Variants in CBLB observed in about 807,000 individuals in gnomAD.
The protein encoded by CBLB is E3 ubiquitin-protein ligase CBL-B.
In CBLB, 31 loss-of-function variants were observed where a neutral mutation model predicts 104.9. The ratio of observed to expected loss-of-function variants is 0.30; its 90% CI spans 0.22 to 0.40. The LOEUF is 0.40. Ranked by LOEUF, CBLB falls within the 10% of genes least tolerant of loss-of-function variation. The probability of loss-of-function intolerance (pLI) is 1.00; values close to 1 mark genes in which losing one functional copy is unlikely to be tolerated. For synonymous variants in CBLB, 440 were observed against 422.6 expected (o/e 1.04, Z -0.51); for missense variants, 1,062 against 1,214.6 (o/e 0.87, Z 1.87).
chr3:105,793,708 C>A (rs1475171911), intron 3 of CBLB, among the ~76,000 whole-genome samples: 6 of 152,252 alleles, frequency 3.9e-5, no homozygotes, highest in Admixed American at 1.3e-4. Context: ...TCCAGTTCCA[C>A]GTCACAAATG....
chr3:105,840,187 G>C (rs997126378), intron 3 of CBLB, among the ~76,000 whole-genome samples: 4 of 152,096 alleles, frequency 2.6e-5, no homozygotes, highest in Non-Finnish European at 4.4e-5. Flanking sequence ...GAAAAAACTA[G>C]GTAATCTTTC....
chr3:105,762,826 C>T (rs1417333880), intron 4 of CBLB, among the ~76,000 whole-genome samples: 2 of 152,170 alleles, frequency 1.3e-5, no homozygotes, highest in African/African-American at 4.8e-5. Context: ...AAGAGGGCCA[C>T]CGTCCTCCAG....
intron 2 of CBLB, among the ~76,000 whole-genome samples, chr3:105,857,713 G>C (rs545798882): frequency 6.6e-6 from 1 of 152,088 alleles, no homozygotes; most frequent in South Asian, 2.1e-4. Context: ...TAAACTTCAG[G>C]ACCCATTTGT....
intron 17 of CBLB, among the ~76,000 whole-genome samples, chr3:105,674,536 G>GT (rs1049789893): frequency 2.6e-5 from 4 of 152,184 alleles, no homozygotes; most frequent in African/African-American, 7.2e-5. Flanking sequence ...CAAAAACACT[G>GT]TATTTTGTGC....
intron 10 of CBLB, among the ~76,000 whole-genome samples, chr3:105,714,912 T>C (rs1475786677): frequency 6.6e-6 from 1 of 152,258 alleles, no homozygotes; most frequent in East Asian, 1.9e-4. Context: ...ATTTTTGTTC[T>C]AATGTGGCCA....
chr3:105,786,755 T>C (rs140439086), intron 3 of CBLB, among the ~76,000 whole-genome samples: 3 of 152,298 alleles, frequency 2.0e-5, no homozygotes, highest in East Asian at 1.9e-4. Flanking sequence ...TCCTTTATAA[T>C]AGTCTCCTAA....
At chr3:105,761,902 T>C (rs2077678443) in intron 4 of CBLB, among the ~76,000 whole-genome samples, 2 of 152,102 alleles carry the variant, frequency 1.3e-5, no homozygotes, top group African/African-American at 4.8e-5. Flanking sequence ...ATGCTGATAG[T>C]GATATGGACA....
At position 105,657,674 on chromosome 3, in the gene CBLB, A is replaced by G. The variant is rs1433769833; in HGVS notation, c.*1296T>C. The G allele has an allele frequency of 4.9e-6, 1 of 204,920 alleles. No individual in the cohort carries two copies. The highest frequency in any genetic ancestry group is 2.3e-5 in the African/African-American group (1 of 43,784). The allele number at this position is 204,920 out of a possible 1,614,324, so 12.7% of individuals were successfully genotyped here. A position where few individuals can be genotyped will look rare whatever the true frequency, so the allele number is the denominator to read the frequency against. ...TTGTAGATTTATTAAGAGTAATAAC[A>G]TGGTGTTTAAAGAACCAACCACCAT... is the stretch of plus-strand genomic sequence containing the variant. On this transcript the variant is annotated 3_prime_UTR_variant, in exon 19 of 19. Coordinates refer to ENST00000394030, the MANE Select transcript of CBLB (RefSeq NM_170662.5).
intron 3 of CBLB, among the ~76,000 whole-genome samples, chr3:105,793,143 C>T (rs548733811): frequency 2.6e-5 from 4 of 152,168 alleles, no homozygotes; most frequent in South Asian, 2.1e-4. Context: ...AGAGAAAGAT[C>T]TTGACACAGT....
intron 9 of CBLB, among the ~76,000 whole-genome samples, chr3:105,728,071 T>G (rs996659005): frequency 1.3e-5 from 2 of 152,168 alleles, no homozygotes; most frequent in Admixed American, 1.3e-4. Flanking sequence ...TTTTTCTAAG[T>G]CTGTGAAGAA....
At chr3:105,730,852 G>C (rs1292979555) in intron 9 of CBLB, among the ~76,000 whole-genome samples, 1 of 151,934 alleles carries the variant, frequency 6.6e-6, no homozygotes, top group African/African-American at 2.4e-5. Context: ...TGTCATTTTT[G>C]TTTCTACTTT....
intron 5 of CBLB, among the ~76,000 whole-genome samples, chr3:105,750,740 A>T (rs2076527180): frequency 6.6e-6 from 1 of 152,216 alleles, no homozygotes; most frequent in Non-Finnish European, 1.5e-5. Flanking sequence ...CTAATTTGCT[A>T]TGTGAAAACA....
chr3:105,807,093 C>T (rs1049862881), intron 3 of CBLB, among the ~76,000 whole-genome samples: 4 of 152,122 alleles, frequency 2.6e-5, no homozygotes, highest in African/African-American at 9.7e-5. Context: ...GTACGTTGAA[C>T]AGTACATCAT....
chr3:105,826,224 G>C (rs1394285043), intron 3 of CBLB, among the ~76,000 whole-genome samples: 2 of 152,118 alleles, frequency 1.3e-5, no homozygotes. Flanking sequence ...TTAGCTTCTT[G>C]ATCAGAGAAA....
rs1176765357 is a variant in CBLB at position 105,702,420 on chromosome 3, G to C, written c.1633C>G (p.Pro545Ala). ...TCTCTTAAGGGAGGAGGTGGTGCTG[G>C]GAGTGGTTTATCTTGTTTTCTCACC... is the stretch of plus-strand genomic sequence containing the variant. ...CMVRKQDKPL[P>A]APPPPLRDPP... The change falls in exon 12 of 19, where the codon CCA becomes GCA. Residue 545 changes from proline to alanine, a missense_variant. Pro to Ala is a conservative substitution (Grantham distance 27). Coordinates refer to ENST00000394030, the MANE Select transcript of CBLB (RefSeq NM_170662.5). The C allele has an allele frequency of 1.3e-6, 2 of 1,519,108 alleles. No homozygotes were observed. The highest frequency in any genetic ancestry group is 2.9e-5 in the African/African-American group (2 of 69,942). The allele number at this position is 1,519,108 out of a possible 1,614,324, so 94.1% of individuals were successfully genotyped here.
intron 18 of CBLB, among the ~76,000 whole-genome samples, chr3:105,660,833 A>G (rs1381412370): frequency 2.8e-5 from 4 of 143,438 alleles, no homozygotes; most frequent in Middle Eastern, 3.4e-3. Context: ...AAGATGTATG[A>G]TATTTTTCCA....
At chr3:105,841,048 C>T (rs2089465144) in intron 3 of CBLB, among the ~76,000 whole-genome samples, 1 of 152,052 alleles carries the variant, frequency 6.6e-6, no homozygotes, top group South Asian at 2.1e-4. Flanking sequence ...AAGCCCAGCA[C>T]TTTGGGAGGC....
chr3:105,760,441 A>G (rs2077507657), intron 4 of CBLB, among the ~76,000 whole-genome samples: 2 of 152,314 alleles, frequency 1.3e-5, no homozygotes, highest in South Asian at 2.1e-4. Flanking sequence ...AAGTTCACCA[A>G]TACAGGATAA....
chr3:105,776,443 G>T lies in CBLB; in HGVS notation c.519C>A (p.Ile173=). The change falls in exon 4 of 19, where the codon ATC becomes ATA. Residue 173 remains isoleucine, a synonymous_variant. Coordinates refer to ENST00000394030, the MANE Select transcript of CBLB (RefSeq NM_170662.5). ...NGQFQGDNFR[I]TKADAAEFWR... Reference sequence around the variant, plus strand: ...AGAATTCAGCAGCATCTGCTTTTGTGATACGAAAGTTATCTCCCTGGAATT... The same window carrying T: ...AGAATTCAGCAGCATCTGCTTTTGTTATACGAAAGTTATCTCCCTGGAATT... 29 of 1,613,640 alleles carry T rather than the reference G, an allele frequency of 1.8e-5. No individual in the cohort carries two copies. The highest frequency in any genetic ancestry group is 2.5e-5 in the Non-Finnish European group (29 of 1,179,780).
Sources: gnomAD v4.1 joint callset for allele counts (sites outside exome capture counted in the v4.1 genomes callset) on GRCh38, gnomAD v4.1.1 for gene constraint, MANE v1.5 for transcripts, NCBI Gene and HGNC (gene_info 2026-07-23, HGNC 2026-07-21) for gene names.